SLC4A8: variants seen among roughly 807,000 people sequenced by gnomAD.
SLC4A8 encodes electroneutral sodium bicarbonate exchanger 1.
A neutral mutation model predicts 125.0 loss-of-function variants in SLC4A8; 40 were observed. The observed-to-expected ratio is 0.32, with a 90% confidence interval of 0.25 to 0.42. The LOEUF is 0.42. SLC4A8 is among the 10% of genes least tolerant of loss of function. The pLI is 1.00. For synonymous variants in SLC4A8, 456 were observed against 476.0 expected (o/e 0.96, Z 0.55); for missense variants, 863 against 1,355.1 (o/e 0.64, Z 5.70).
At position 51,462,204 on chromosome 12, in the gene SLC4A8, C is replaced by A. The variant is rs1950348916; in HGVS notation, c.1102-106C>A. The stretch of plus-strand genomic sequence containing the variant: ...TTTTCTGCATCTCAGATCCCCGTGA[C>A]AGAGATAAAAATCAACAGGTTGTAT... On this transcript the variant is annotated intron_variant, in intron 9 of 24. Transcript: ENST00000453097. 3.8e-6 allele frequency: 4 copies of A among 1,044,846 alleles called. No homozygotes were observed. The Admixed American group carries it at 7.0e-5, about 18-fold the overall frequency. The allele number at this position is 1,044,846 out of a possible 1,614,324, so 64.7% of individuals were successfully genotyped here. A position where few individuals can be genotyped will look rare whatever the true frequency, so the allele number is the denominator to read the frequency against.
At chr12:51,427,379 G>A (rs762997291) in intron 1 of SLC4A8, among the ~76,000 whole-genome samples, 1 of 152,124 alleles carries the variant, frequency 6.6e-6, no homozygotes, top group Non-Finnish European at 1.5e-5. Context: ...TTCTGTTAGT[G>A]TTCTGTGAAA....
chr12:51,451,132 A>G, intron 3 of SLC4A8, 110 bp downstream of exon 3: 7 of 966,510 alleles, frequency 7.2e-6, no homozygotes, highest in Non-Finnish European at 9.8e-6. Flanking sequence ...GCCTTTTTGT[A>G]GGATTTCCAA....
At chr12:51,447,921 A>G (rs1949830803) in intron 2 of SLC4A8, among the ~76,000 whole-genome samples, 1 of 151,590 alleles carries the variant, frequency 6.6e-6, no homozygotes, top group Non-Finnish European at 1.5e-5. Context: ...GGGTTTCACC[A>G]TGTTAGCCAG....
chr12:51,421,446 A>C (rs946593070), upstream of SLC4A8, among the ~76,000 whole-genome samples: 1 of 152,374 alleles, frequency 6.6e-6, no homozygotes, highest in African/African-American at 2.4e-5. Flanking sequence ...AATTTGCACA[A>C]TAGGCCAGAA....
chr12:51,425,262 C>A, intron 1 of SLC4A8: 1 of 1,331,654 alleles, frequency 7.5e-7, no homozygotes, highest in African/African-American at 1.5e-5. Context: ...CCATCTCTGC[C>A]GCATCCCTTG....
At chr12:51,485,742 GT>G (rs1565814271) in intron 16 of SLC4A8, 44 bp from the exon 17 acceptor site, 1 of 1,081,816 alleles carries the variant, frequency 9.2e-7, no homozygotes, top group Admixed American at 1.7e-5. Context: ...CTTTTCTACT[GT>G]ATTTAACCTG....
intron 1 of SLC4A8, among the ~76,000 whole-genome samples, chr12:51,412,288 TA>T (rs1292101826): frequency 4.6e-5 from 7 of 152,178 alleles, no homozygotes; most frequent in Admixed American, 4.6e-4. Flanking sequence ...TCTTTATTTT[TA>T]AAAATGTTCT....
chr12:51,405,638 C>T, intron 1 of SLC4A8, among the ~76,000 whole-genome samples: 1 of 152,214 alleles, frequency 6.6e-6, no homozygotes, highest in East Asian at 1.9e-4. Flanking sequence ...TCAAGCAATC[C>T]TCCCACCTGG....
chr12:51,474,517 G>A, intron 15 of SLC4A8, 70 bp downstream of exon 15: 1 of 1,552,578 alleles, frequency 6.4e-7, no homozygotes, highest in Non-Finnish European at 8.8e-7. Context: ...TAAGTGAAGG[G>A]GAGGAGTAGC....
rs1938492859 is a variant in SLC4A8, at chr12:51,515,250, C to A, written c.*7812C>A. On this transcript the variant is annotated 3_prime_UTR_variant, in exon 25 of 25. Coordinates refer to ENST00000453097, the MANE Select transcript of SLC4A8 (RefSeq NM_001039960.3). ...TCCTTTTGTAGAAGAGGCCAAAATC[C>A]TCCTCCTCCTTCCTTTCTCCTATAT... The A allele has an allele frequency of 6.6e-6, 1 of 152,244 alleles. No homozygotes were observed. Among genetic ancestry groups the A allele is most frequent in the Non-Finnish European group, 1.5e-5 (1 of 68,060 alleles). 9.4% of individuals were successfully genotyped at this position (152,244 alleles called of 1,614,324 possible). A position where few individuals can be genotyped will look rare whatever the true frequency, so the allele number is the denominator to read the frequency against.
chr12:51,471,453 G>A lies in SLC4A8; in HGVS notation c.1825G>A (p.Ala609Thr). 6.2e-7 allele frequency: 1 copy of A among 1,614,140 alleles called. No homozygotes were observed. Among genetic ancestry groups the A allele is most frequent in the Non-Finnish European group, 8.5e-7 (1 of 1,179,998 alleles). Residue 609 changes from alanine (A) to threonine (T), a missense_variant, in exon 14 of 25, where the codon GCA (alanine) becomes ACA (threonine). By Grantham distance (58) the Ala-to-Thr change is moderately conservative. Around this residue, in one of 6 missense-constraint regions of SLC4A8, gnomAD observed 76 missense variants for 80.2 expected, o/e 0.95. Coordinates refer to ENST00000453097, the MANE Select transcript of SLC4A8 (RefSeq NM_001039960.3). ...AATTTGCATTATTTTCATCTATGAA[G>A]CAATAGAAAAACTGATTCACCTGGC... ...SLICIIFIYE[A>T]IEKLIHLAET...
intron 7 of SLC4A8, among the ~76,000 whole-genome samples, chr12:51,459,196 AT>A (rs1950243222): frequency 6.6e-6 from 1 of 152,158 alleles, no homozygotes; most frequent in Admixed American, 6.5e-5. Flanking sequence ...TAAAACACAG[AT>A]AGTGTCATAT....
chr12:51,485,215 A>T (rs1318971652), intron 16 of SLC4A8, among the ~76,000 whole-genome samples: 1 of 152,124 alleles, frequency 6.6e-6, no homozygotes, highest in Non-Finnish European at 1.5e-5. Context: ...TGTTTCAAAT[A>T]ATTACTCCAG....
At chr12:51,402,521 G>A (rs1442812002) in intron 1 of SLC4A8, among the ~76,000 whole-genome samples, 1 of 151,970 alleles carries the variant, frequency 6.6e-6, no homozygotes, top group African/African-American at 2.4e-5. Context: ...CGGGAGTTTG[G>A]GACCAGCCTG....
At chr12:51,458,195 C>G (rs564290527) in intron 6 of SLC4A8, among the ~76,000 whole-genome samples, 2 of 152,278 alleles carry the variant, frequency 1.3e-5, no homozygotes, top group East Asian at 1.9e-4. Context: ...ATTTCCTGGT[C>G]TCTACTCATA....
intron 1 of SLC4A8, among the ~76,000 whole-genome samples, chr12:51,394,090 G>A (rs774147186): frequency 6.6e-6 from 1 of 152,144 alleles, no homozygotes; most frequent in South Asian, 2.1e-4. Context: ...TGATCCTGAC[G>A]TGAGTCTTGC....
rs143133785 is a variant in SLC4A8, at chr12:51,460,719, C to T, written c.1014-485C>T. Among the ~76,000 whole-genome samples, 353 of 152,294 alleles carry T rather than the reference C, an allele frequency of 2.3e-3. 4 individuals carry two copies. The highest frequency in any genetic ancestry group is 8.3e-3 in the African/African-American group (343 of 41,546). On this transcript the variant is annotated intron_variant, in intron 8 of 24. Transcript: ENST00000453097. ...ACATTTGTTCAAAAGGCTATTCATG[C>T]GCTCTGAAGGTGGTGATGCTGGTGA... is the stretch of plus-strand genomic sequence containing the variant.
Position 51,451,033 on chromosome 12 carries a change from T to C in SLC4A8, c.277+11T>C. 1 of 1,478,618 alleles carries C rather than the reference T, an allele frequency of 6.8e-7. No individual in the cohort carries two copies. The allele number at this position is 1,478,618 out of a possible 1,614,324, so 91.6% of individuals were successfully genotyped here. On this transcript the variant is annotated intron_variant, in intron 3 of 24. Transcript: ENST00000453097. ...AAGCCCTGGCCCACGGTAAGGGCCT[T>C]GGGAGACAGGGCGGGTGTCCATGGC...
At chr12:51,400,769 TATATATATACATACATACAC>T (rs1320182592) in intron 1 of SLC4A8, among the ~76,000 whole-genome samples, 260 of 6,164 alleles carry the variant, frequency 0.042, 28 homozygotes, top group Middle Eastern at 0.1. Context: ...TATATATATA[TATATATATACATACATACAC>T]ACACACACAC....
Sources: allele counts gnomAD v4.1 joint callset (sites outside exome capture counted in the v4.1 genomes callset), GRCh38; gene constraint gnomAD v4.1.1; regional missense constraint gnomAD v4.1.1; transcripts MANE v1.5; gene names NCBI Gene and HGNC (gene_info 2026-07-23, HGNC 2026-07-21).